Variants in TRIOBP observed in about 807,000 individuals in gnomAD.
The protein encoded by TRIOBP is TRIO and F-actin-binding protein.
Under a neutral mutation model 238.8 loss-of-function variants are expected in TRIOBP, and 169 were observed. That is an observed-to-expected ratio of 0.71 (90% CI 0.62 to 0.80). The LOEUF (loss-of-function observed/expected upper bound fraction) is 0.80. TRIOBP is among the 30% of genes least tolerant of loss of function. The probability of loss-of-function intolerance (pLI) is 0.00; values close to 1 mark genes in which losing one functional copy is unlikely to be tolerated. For missense variants in TRIOBP, 2,838 were observed against 3,122.6 expected, an observed-to-expected ratio of 0.91 and a Z score of 2.17; for synonymous variants, 1,150 against 1,274.4, an observed-to-expected ratio of 0.90 and a Z score of 2.08.
Position 37,735,275 on chromosome 22 carries a change from C to T in TRIOBP, c.4939C>T (p.Gln1647Ter), listed in dbSNP as rs1924616861. Residue 1647 changes from glutamine to a stop codon, truncating the protein, a stop_gained, in exon 9 of 24, where the codon CAG (glutamine) becomes TAG (stop). Coordinates refer to ENST00000644935, the MANE Select transcript of TRIOBP (RefSeq NM_001039141.3). LOFTEE classifies it high-confidence loss of function. ...TPVNGHSPAL[Q>*]SQSPVQLPSP... ...AGTCAATGGACACAGCCCCGCACTG[C>T]AGTCCCAGAGCCCGGTCCAGCTGCC... is the stretch of plus-strand genomic sequence containing the variant. 4 of 1,609,214 alleles carry T rather than the reference C, an allele frequency of 2.5e-6. No individual in the cohort carries two copies. The African/African-American group carries it at 5.3e-5, about 21-fold the overall frequency.
At chr22:37,732,248 GTT>G (rs1323320227) in intron 7 of TRIOBP, among the ~76,000 whole-genome samples, 12 of 149,390 alleles carry the variant, frequency 8.0e-5, no homozygotes, top group Non-Finnish European at 1.8e-4. Flanking sequence ...ATGCCTCCCA[GTT>G]AGTAAGCAAG....
chr22:37,739,838 C>T lies in TRIOBP; in HGVS notation c.5185-1057C>T, dbSNP rs77683200. On this transcript the variant is annotated intron_variant, in intron 10 of 23. Coordinates refer to ENST00000644935, the MANE Select transcript of TRIOBP (RefSeq NM_001039141.3). ...CCTGGAGCCAGAGTAGTGAACGAGG[C>T]GGAAACAGCAATGCCGGGGTGCCCC... Among the ~76,000 whole-genome samples, 765 of 152,316 alleles carry T rather than the reference C, an allele frequency of 5.0e-3. 11 individuals are homozygous for T. Among genetic ancestry groups the T allele is most frequent in the African/African-American group, 0.017 (726 of 41,558 alleles).
intron 11 of TRIOBP, among the ~76,000 whole-genome samples, chr22:37,747,081 T>C (rs1276602805): frequency 6.6e-6 from 1 of 152,174 alleles, no homozygotes; most frequent in Non-Finnish European, 1.5e-5. Context: ...GGGGTTTGCC[T>C]TTCTCATGGG....
At chr22:37,705,882 C>T (rs1315845736) in intron 3 of TRIOBP, among the ~76,000 whole-genome samples, 1 of 152,026 alleles carries the variant, frequency 6.6e-6, no homozygotes, top group Non-Finnish European at 1.5e-5. Flanking sequence ...GGCCAAGCCA[C>T]GGAAGATTTC....
intron 12 of TRIOBP, among the ~76,000 whole-genome samples, chr22:37,752,783 C>A (rs1384378032): frequency 1.3e-5 from 2 of 152,176 alleles, no homozygotes; most frequent in Non-Finnish European, 2.9e-5. Flanking sequence ...CAGGCCCCAC[C>A]CAGAGCTGGC....
intron 8 of TRIOBP, among the ~76,000 whole-genome samples, chr22:37,734,089 G>A (rs1924546728): frequency 6.6e-6 from 1 of 152,222 alleles, no homozygotes; most frequent in Non-Finnish European, 1.5e-5. Flanking sequence ...CCGCCTCAGT[G>A]GAATGGGGTA....
intron 3 of TRIOBP, among the ~76,000 whole-genome samples, chr22:37,703,285 C>T (rs1172063412): frequency 2.0e-5 from 3 of 152,094 alleles, no homozygotes; most frequent in Admixed American, 6.6e-5. Flanking sequence ...TGAGCCACCG[C>T]GCCTGGCCGA....
At chr22:37,702,921 G>C (rs1311302373) in intron 3 of TRIOBP, among the ~76,000 whole-genome samples, 2 of 152,078 alleles carry the variant, frequency 1.3e-5, no homozygotes, top group African/African-American at 4.8e-5. Context: ...GGGATTACAG[G>C]TGTGAGACAC....
chr22:37,727,254 T>TG (rs1231718568), intron 7 of TRIOBP, among the ~76,000 whole-genome samples: 8 of 98,286 alleles, frequency 8.1e-5, no homozygotes, highest in African/African-American at 2.5e-4. Context: ...ACTCATGGGT[T>TG]TTTTTTTTTT....
At chr22:37,732,509 CA>C (rs36003951) in intron 7 of TRIOBP, among the ~76,000 whole-genome samples, 10 of 99,858 alleles carry the variant, frequency 1.0e-4, no homozygotes, top group Admixed American at 4.7e-4. Context: ...GACTCCATCT[CA>C]AAAAAAAAAA....
At chr22:37,771,533 G>A in intron 21 of TRIOBP, 117 bp from the exon 22 acceptor site, 1 of 869,384 alleles carries the variant, frequency 1.2e-6, no homozygotes, top group East Asian at 2.5e-5. Context: ...GGGTTTTTGT[G>A]CAGATAGGGG....
At chr22:37,746,469 C>T (rs1311560764) in intron 11 of TRIOBP, 8 of 1,364,012 alleles carry the variant, frequency 5.9e-6, no homozygotes, top group Admixed American at 2.4e-5. Context: ...AGAAGGGCGA[C>T]GACCCGAGGC....
Position 37,757,803 on chromosome 22 carries a change from C to A in TRIOBP, c.5878C>A (p.Arg1960Ser), listed in dbSNP as rs368774500. 6.5e-7 allele frequency: 1 copy of A among 1,547,468 alleles called. No homozygotes were observed. Among genetic ancestry groups the A allele is most frequent in the Admixed American group, 2.0e-5 (1 of 50,978 alleles). Residue 1960 changes from arginine (R) to serine (S), a missense_variant, in exon 16 of 24, where the codon CGC (arginine) becomes AGC (serine). By Grantham distance (110) the Arg-to-Ser change is moderately radical. This residue lies in a region of TRIOBP where 2,096 missense variants were observed against 2,137.4 expected (regional missense o/e 0.98). Transcript: ENST00000644935. Reference protein sequence around the residue: ...PLTQASPQRARTPARTPDRLA... With the variant: ...PLTQASPQRASTPARTPDRLA... ...GACCCAGGCTTCCCCGCAGCGGGCC[C>A]GCACCCCAGCCCGCACTCCTGACCG...
intron 3 of TRIOBP, among the ~76,000 whole-genome samples, chr22:37,703,243 C>T (rs1922752473): frequency 6.6e-6 from 1 of 151,962 alleles, no homozygotes; most frequent in Non-Finnish European, 1.5e-5. Context: ...ATCTGTCTGC[C>T]TCGGCTTCCC....
At chr22:37,751,413 C>T (rs1925597629) in intron 11 of TRIOBP, 3 of 382,832 alleles carry the variant, frequency 7.8e-6, no homozygotes, top group Admixed American at 7.3e-5. Context: ...TCTGGACTGC[C>T]CTCTGAGCTC....
intron 3 of TRIOBP, among the ~76,000 whole-genome samples, chr22:37,703,233 A>T (rs1011377776): frequency 6.6e-6 from 1 of 151,650 alleles, no homozygotes; most frequent in Non-Finnish European, 1.5e-5. Flanking sequence ...TGACCTTGTG[A>T]TCTGTCTGCC....
intron 3 of TRIOBP, among the ~76,000 whole-genome samples, chr22:37,704,738 G>T (rs371134525): frequency 6.6e-6 from 1 of 151,838 alleles, no homozygotes; most frequent in African/African-American, 2.4e-5. Context: ...AGGAAGAGGA[G>T]AGGAAGGAAG....
intron 17 of TRIOBP, chr22:37,760,366 A>G (rs1926182932): frequency 6.6e-6 from 1 of 152,346 alleles, no homozygotes; most frequent in South Asian, 2.1e-4. Context: ...TGCAGTGTAA[A>G]TACTCCCGCT....
At chr22:37,697,162 G>A (rs12158556) in intron 1 of TRIOBP, 73 bp downstream of exon 1, 60,167 of 152,160 alleles carry the variant, frequency 0.4, 12,873 homozygotes, top group East Asian at 0.66. Context: ...CGAGGGATCC[G>A]GGGAGGAACT....
Sources: gnomAD v4.1 joint callset for allele counts (sites outside exome capture counted in the v4.1 genomes callset) on GRCh38, gnomAD v4.1.1 for gene constraint, gnomAD v4.1.1 regional missense constraint, MANE v1.5 for transcripts, NCBI Gene and HGNC (gene_info 2026-07-23, HGNC 2026-07-21) for gene names.